ADGRL2: variants seen among roughly 807,000 people sequenced by gnomAD.
The protein encoded by ADGRL2 is calcium-independent alpha-latrotoxin receptor 2.
In ADGRL2, 44 loss-of-function variants were observed where a neutral mutation model predicts 157.4. The observed-to-expected ratio is 0.28, with a 90% confidence interval of 0.22 to 0.36. The LOEUF (loss-of-function observed/expected upper bound fraction) is 0.36. Among genes scored for constraint, ADGRL2 ranks in the 10% least tolerant of loss-of-function variants. The pLI is 1.00. For synonymous variants in ADGRL2, 585 were observed against 624.7 expected, an observed-to-expected ratio of 0.94 and a Z score of 0.95; for missense variants, 1,510 against 1,768.9, an observed-to-expected ratio of 0.85 and a Z score of 2.63.
intron 3 of ADGRL2, among the ~76,000 whole-genome samples, chr1:81,585,343 T>C (rs1237655330): frequency 2.6e-5 from 4 of 152,110 alleles, no homozygotes; most frequent in Non-Finnish European, 5.9e-5. Context: ...TTTAGGTAGA[T>C]TGGTCTATTT....
intron 3 of ADGRL2, among the ~76,000 whole-genome samples, chr1:81,686,542 T>A (rs2083231920): frequency 6.6e-6 from 1 of 152,236 alleles, no homozygotes; most frequent in Non-Finnish European, 1.5e-5. Flanking sequence ...TTAATCTTGC[T>A]AATGGTGTAT....
chr1:81,888,550 C>T (rs568133841), intron 2 of ADGRL2, among the ~76,000 whole-genome samples: 45 of 152,082 alleles, frequency 3.0e-4, no homozygotes, highest in African/African-American at 6.3e-4. Context: ...GCCATTCTCC[C>T]GCCTCAGCCT....
chr1:81,823,877 A>C (rs966469600), intron 1 of ADGRL2, among the ~76,000 whole-genome samples: 2 of 152,188 alleles, frequency 1.3e-5, no homozygotes, highest in African/African-American at 4.8e-5. Context: ...TTAAAAAAGA[A>C]AACCACGAAG....
At chr1:81,885,047 G>A (rs1337076093) in intron 2 of ADGRL2, among the ~76,000 whole-genome samples, 1 of 152,144 alleles carries the variant, frequency 6.6e-6, no homozygotes, top group Non-Finnish European at 1.5e-5. Flanking sequence ...GGGAAACAGT[G>A]TATGGAGTTA....
At chr1:81,642,523 A>C (rs980918164) in intron 3 of ADGRL2, among the ~76,000 whole-genome samples, 7 of 152,142 alleles carry the variant, frequency 4.6e-5, no homozygotes, top group Non-Finnish European at 5.9e-5. Context: ...ATATCTATTA[A>C]AGAAATTGAA....
chr1:81,752,131 A>G (rs2085508796), intron 1 of ADGRL2, among the ~76,000 whole-genome samples: 1 of 152,092 alleles, frequency 6.6e-6, no homozygotes, highest in Non-Finnish European at 1.5e-5. Context: ...CCTTAATGAA[A>G]GGGCTTAGTG....
At chr1:81,438,866 C>T (rs752955262) in intron 1 of ADGRL2, among the ~76,000 whole-genome samples, 9 of 152,094 alleles carry the variant, frequency 5.9e-5, no homozygotes, top group Non-Finnish European at 1.2e-4. Flanking sequence ...CTTATCATTG[C>T]CCCAGATTTC....
chr1:81,737,596 T>A (rs1361310239), intron 1 of ADGRL2, among the ~76,000 whole-genome samples: 4 of 152,206 alleles, frequency 2.6e-5, no homozygotes, highest in Admixed American at 2.0e-4. Flanking sequence ...TCCTAACTTA[T>A]AAGTCTGAAC....
intron 3 of ADGRL2, among the ~76,000 whole-genome samples, chr1:81,640,500 C>T (rs1045661364): frequency 4.6e-5 from 7 of 151,782 alleles, no homozygotes; most frequent in Non-Finnish European, 5.9e-5. Flanking sequence ...GGCGTGGTGG[C>T]GGGTGCCTGT....
chr1:81,845,009 C>T (rs1284147234), intron 2 of ADGRL2, among the ~76,000 whole-genome samples: 1 of 152,034 alleles, frequency 6.6e-6, no homozygotes, highest in Non-Finnish European at 1.5e-5. Flanking sequence ...CTGTGACTTT[C>T]TTATGCGGCA....
At chr1:81,521,412 G>C (rs901293002) in intron 2 of ADGRL2, among the ~76,000 whole-genome samples, 2 of 151,970 alleles carry the variant, frequency 1.3e-5, no homozygotes, top group African/African-American at 4.8e-5. Context: ...AGAGTCAAAG[G>C]AGTGGTTGTA....
intron 1 of ADGRL2, among the ~76,000 whole-genome samples, chr1:81,812,499 A>G (rs1045416069): frequency 6.6e-6 from 1 of 151,762 alleles, no homozygotes; most frequent in Non-Finnish European, 1.5e-5. Context: ...AACTTAAAAT[A>G]TAATAAAGAT....
chr1:81,697,908 T>A (rs948798109), upstream of ADGRL2, among the ~76,000 whole-genome samples: 1 of 152,156 alleles, frequency 6.6e-6, no homozygotes, highest in African/African-American at 2.4e-5. Flanking sequence ...AAGGCAGGCA[T>A]CAGTACCCAT....
intron 1 of ADGRL2, among the ~76,000 whole-genome samples, chr1:81,355,176 C>A (rs1450309505): frequency 6.6e-6 from 1 of 151,958 alleles, no homozygotes; most frequent in Non-Finnish European, 1.5e-5. Context: ...AATGGTGAAA[C>A]CCCAACTCTA....
chr1:81,791,252 T>G (rs1465381469), intron 2 of ADGRL2, among the ~76,000 whole-genome samples: 1 of 152,172 alleles, frequency 6.6e-6, no homozygotes, highest in Non-Finnish European at 1.5e-5. Flanking sequence ...AGTCATGAGC[T>G]ATTTTGGTAG....
In ADGRL2 at chr1:81,714,139, C is replaced by A. The variant is rs139138339; in HGVS notation, c.-143+14331C>A. On this transcript the variant is annotated intron_variant, in intron 1 of 20. Transcript: ENST00000359929. ...ATGATTCCATTACCTCCCACCAGGT[C>A]CCTCCCATGACATGTGGGGATTATG... 3.9e-3 allele frequency among the ~76,000 whole-genome samples: 590 copies of A among 152,262 alleles called. 2 individuals are homozygous for A. The highest frequency in any genetic ancestry group is 0.014 in the African/African-American group (562 of 41,566).
At chr1:81,863,340 G>A (rs2093442613) in intron 2 of ADGRL2, among the ~76,000 whole-genome samples, 1 of 152,130 alleles carries the variant, frequency 6.6e-6, no homozygotes, top group East Asian at 1.9e-4. Flanking sequence ...TGGTTGCTTG[G>A]TTGTGGCATT....
chr1:81,851,346 C>G (rs1264114080), intron 2 of ADGRL2, among the ~76,000 whole-genome samples: 1 of 151,720 alleles, frequency 6.6e-6, no homozygotes, highest in African/African-American at 2.4e-5. Flanking sequence ...TTGCCATTTG[C>G]TTTTTATGGT....
chr1:81,880,309 A>G (rs2093952922), intron 2 of ADGRL2, among the ~76,000 whole-genome samples: 1 of 152,174 alleles, frequency 6.6e-6, no homozygotes, highest in South Asian at 2.1e-4. Flanking sequence ...GGTAAAATAT[A>G]TGAGACAGCC....
Sources: gnomAD v4.1 joint callset for allele counts (sites outside exome capture counted in the v4.1 genomes callset) on GRCh38, gnomAD v4.1.1 for gene constraint, MANE v1.5 for transcripts, NCBI Gene and HGNC (gene_info 2026-07-23, HGNC 2026-07-21) for gene names.